PRR5L: variants seen among roughly 807,000 people sequenced by gnomAD.
PRR5L encodes proline-rich protein 5-like.
Under a neutral mutation model 36.4 loss-of-function variants are expected in PRR5L, and 21 were observed. The observed-to-expected ratio is 0.58, with a 90% CI of 0.41 to 0.83. PRR5L has a LOEUF of 0.83. Ranked by LOEUF, PRR5L falls within the 40% of genes least tolerant of loss-of-function variation. PRR5L has a pLI of 0.00. For missense variants in PRR5L, 381 were observed against 473.3 expected, an observed-to-expected ratio of 0.80 and a Z score of 1.81; for synonymous variants, 188 against 197.0, an observed-to-expected ratio of 0.95 and a Z score of 0.38.
At chr11:36,392,269 A>C (rs1333932390) in intron 1 of PRR5L, among the ~76,000 whole-genome samples, 1 of 152,246 alleles carries the variant, frequency 6.6e-6, no homozygotes, top group Non-Finnish European at 1.5e-5. Context: ...ATAGTGCTGC[A>C]ATAAACATGG....
At chr11:36,422,447 T>C (rs1858288454) in intron 4 of PRR5L, among the ~76,000 whole-genome samples, 1 of 152,192 alleles carries the variant, frequency 6.6e-6, no homozygotes, top group Non-Finnish European at 1.5e-5. Context: ...AAAGATGGGC[T>C]TCCTGGGTGC....
chr11:36,454,750 G>A (rs771111171), intron 8 of PRR5L: 15 of 152,482 alleles, frequency 9.8e-5, no homozygotes, highest in Non-Finnish European at 1.5e-4. Context: ...CCACGCGCCC[G>A]CGCCTGTGTT....
intron 4 of PRR5L, among the ~76,000 whole-genome samples, chr11:36,428,694 G>C (rs935567140): frequency 6.6e-6 from 1 of 152,162 alleles, no homozygotes; most frequent in Non-Finnish European, 1.5e-5. Context: ...CCTACTTCTA[G>C]CCTCGGTTTA....
chr11:36,324,611 A>G (rs1856642458), intron 1 of PRR5L, among the ~76,000 whole-genome samples: 1 of 152,226 alleles, frequency 6.6e-6, no homozygotes, highest in South Asian at 2.1e-4. Flanking sequence ...AATTCAAAAA[A>G]TAGTCATTGC....
At chr11:36,447,575 C>A (rs1422553442) in intron 7 of PRR5L, among the ~76,000 whole-genome samples, 2 of 152,200 alleles carry the variant, frequency 1.3e-5, no homozygotes, top group South Asian at 4.1e-4. Context: ...TAGCTCTGAG[C>A]CCTTCCTCAG....
intron 1 of PRR5L, among the ~76,000 whole-genome samples, chr11:36,381,312 G>A (rs1287416782): frequency 6.6e-6 from 1 of 152,168 alleles, no homozygotes; most frequent in African/African-American, 2.4e-5. Context: ...TGGGTTTCCA[G>A]CAAATACTAG....
At chr11:36,382,921 A>G (rs963194467) in intron 1 of PRR5L, among the ~76,000 whole-genome samples, 5 of 152,152 alleles carry the variant, frequency 3.3e-5, no homozygotes, top group Non-Finnish European at 5.9e-5. Context: ...GAAAATGACT[A>G]GGGGAGGGCC....
chr11:36,365,403 C>G (rs983415941), intron 1 of PRR5L, among the ~76,000 whole-genome samples: 5 of 152,198 alleles, frequency 3.3e-5, no homozygotes, highest in African/African-American at 1.2e-4. Flanking sequence ...GTTTGACTGA[C>G]AGGGAATTCT....
chr11:36,376,606 G>A (rs1191615116), intron 1 of PRR5L: 1 of 992,180 alleles, frequency 1.0e-6, no homozygotes, highest in South Asian at 4.5e-5. Context: ...ACTTCCTCGG[G>A]AAGACCGGAA....
intron 1 of PRR5L, among the ~76,000 whole-genome samples, chr11:36,324,828 A>G (rs994373424): frequency 7.9e-5 from 12 of 152,172 alleles, no homozygotes; most frequent in African/African-American, 2.4e-4. Flanking sequence ...CTTTCAAGGT[A>G]TATCTTTTCA....
Position 36,446,233 on chromosome 11 carries a change from C to T in PRR5L, c.445-67C>T, listed in dbSNP as rs1314380796. On this transcript the variant is annotated intron_variant, in intron 6 of 8. Coordinates refer to ENST00000530639, the MANE Select transcript of PRR5L (RefSeq NM_001160167.2). ...TATATAAACATGTGTTGTCTTGAAC[C>T]CCACATGGTCGGTGGCAGATTCAGT... The T allele has an allele frequency of 1.9e-6, 3 of 1,558,120 alleles. No individual in the cohort carries two copies. The African/African-American group carries it at 4.0e-5, about 21-fold the overall frequency.
chr11:36,351,519 A>ATATT (rs1565408339), intron 1 of PRR5L, among the ~76,000 whole-genome samples: 1,279 of 7,876 alleles, frequency 0.16, 382 homozygotes, highest in East Asian at 0.26. Flanking sequence ...ATTTATATAT[A>ATATT]TTTATATATT....
chr11:36,349,214 G>T (rs923387528), intron 1 of PRR5L, among the ~76,000 whole-genome samples: 3 of 150,830 alleles, frequency 2.0e-5, no homozygotes, highest in Non-Finnish European at 4.4e-5. Flanking sequence ...AACCCGCGAG[G>T]CGGAGGTTGC....
Position 36,420,834 on chromosome 11 carries a change from A to AACACACACACACACACAC in PRR5L, c.294+1558_294+1575dup, listed in dbSNP as rs58639707. ...AAAAGAATGACATGTCAGTTGTTTA[A>AACACACACACACACACAC]ACACACACACACACACACACACACA... On this transcript the variant is annotated intron_variant, in intron 4 of 8. Transcript: ENST00000530639. 1.6e-3 allele frequency among the ~76,000 whole-genome samples: 224 copies of AACACACACACACACACAC among 139,396 alleles called. 3 individuals carry two copies. Among genetic ancestry groups the AACACACACACACACACAC allele is most frequent in the East Asian group, 0.013 (58 of 4,474 alleles). 91.4% of individuals were successfully genotyped at this position (139,396 alleles called of 152,430 possible).
chr11:36,328,946 T>A (rs1246086232), intron 1 of PRR5L, among the ~76,000 whole-genome samples: 1 of 152,164 alleles, frequency 6.6e-6, no homozygotes, highest in African/African-American at 2.4e-5. Flanking sequence ...CTGGGAAAGG[T>A]TACACGTTTG....
rs769676674 is a variant in PRR5L at position 36,462,572 on chromosome 11, G to A, written c.943G>A (p.Glu315Lys). Residue 315 changes from glutamate (E) to lysine (K), a missense_variant, in exon 9 of 9, where the codon GAG (glutamate) becomes AAG (lysine). Transcript: ENST00000530639. ...ATMMHSGLGE[E>K]ASSENKCLLL... ...CATGATGCACTCGGGCCTGGGGGAG[G>A]AGGCCAGCAGTGAGAACAAGTGCCT... 2.5e-6 allele frequency: 4 copies of A among 1,613,056 alleles called. No individual in the cohort carries two copies. The Admixed American group carries it at 6.7e-5, about 27-fold the overall frequency.
At chr11:36,420,357 T>G (rs1419398238) in intron 4 of PRR5L, among the ~76,000 whole-genome samples, 1 of 152,192 alleles carries the variant, frequency 6.6e-6, no homozygotes, top group African/African-American at 2.4e-5. Flanking sequence ...GTGGTCAAGA[T>G]CACAGCCTTT....
chr11:36,449,133 T>C (rs1858893374), intron 7 of PRR5L, among the ~76,000 whole-genome samples: 1 of 152,206 alleles, frequency 6.6e-6, no homozygotes, highest in African/African-American at 2.4e-5. Context: ...GGGCTGGGGA[T>C]GTGACTGTGA....
At chr11:36,314,983 C>A (rs371718401) in intron 1 of PRR5L, among the ~76,000 whole-genome samples, 5 of 152,194 alleles carry the variant, frequency 3.3e-5, no homozygotes, top group Admixed American at 2.0e-4. Flanking sequence ...AATAGCATCA[C>A]AATGTATGCT....
Sources: allele counts gnomAD v4.1 joint callset (sites outside exome capture counted in the v4.1 genomes callset), GRCh38; gene constraint gnomAD v4.1.1; transcripts MANE v1.5; gene names NCBI Gene and HGNC (gene_info 2026-07-23, HGNC 2026-07-21).